DMXL1: variants seen among roughly 807,000 people sequenced by gnomAD.
DMXL1 encodes the protein dmX-like protein 1.
In DMXL1, 99 loss-of-function variants were observed where a neutral mutation model predicts 319.2. The observed-to-expected ratio is 0.31, with a 90% CI of 0.26 to 0.37. DMXL1 has a LOEUF of 0.37. Ranked by LOEUF, DMXL1 falls within the 10% of genes least tolerant of loss-of-function variation. The pLI is 1.00. For synonymous variants in DMXL1, 1,385 were observed against 1,235.2 expected, an observed-to-expected ratio of 1.12 and a Z score of -2.54; for missense variants, 3,745 against 3,595.6, an observed-to-expected ratio of 1.04 and a Z score of -1.06.
At position 119,247,408 on chromosome 5, in the gene DMXL1, T is replaced by C. The variant is rs2150778394; in HGVS notation, c.*189T>C. 1 of 499,932 alleles carries C rather than the reference T, an allele frequency of 2.0e-6. No individual in the cohort carries two copies. The highest frequency in any genetic ancestry group is 3.6e-6 in the Non-Finnish European group (1 of 278,866). The allele number at this position is 499,932 out of a possible 1,614,324, so 31.0% of individuals were successfully genotyped here. A position where few individuals can be genotyped will look rare whatever the true frequency, so the allele number is the denominator to read the frequency against. On this transcript the variant is annotated 3_prime_UTR_variant, in exon 44 of 44. Coordinates refer to ENST00000539542, the MANE Select transcript of DMXL1 (RefSeq NM_001290321.3). ...AAGGTCATTCAGAAGTAGATTACAT[T>C]GCCTAAAGTAGAATGTGTAAGTAAT...
intron 4 of DMXL1, among the ~76,000 whole-genome samples, chr5:119,105,636 C>G (rs1277884489): frequency 1.3e-5 from 2 of 152,118 alleles, no homozygotes; most frequent in Non-Finnish European, 2.9e-5. Context: ...TGGCTCACGC[C>G]TGTATTCCCA....
rs986616030 is a variant in DMXL1 at position 119,105,049 on chromosome 5, C to T, written c.286-131C>T. On this transcript the variant is annotated intron_variant, in intron 3 of 43. Coordinates refer to ENST00000539542, the MANE Select transcript of DMXL1 (RefSeq NM_001290321.3). ...ATCATGTGTTCTCTATTTTTGTTGA[C>T]TGAACTGAACATTTTGTTATCTTTA... The T allele has an allele frequency of 8.2e-6, 5 of 608,460 alleles. No homozygotes were observed. The African/African-American group carries it at 9.3e-5, about 11-fold the overall frequency. The allele number at this position is 608,460 out of a possible 1,614,324, so 37.7% of individuals were successfully genotyped here. A position where few individuals can be genotyped will look rare whatever the true frequency, so the allele number is the denominator to read the frequency against.
intron 8 of DMXL1, among the ~76,000 whole-genome samples, chr5:119,120,475 C>T (rs1322938228): frequency 1.3e-5 from 2 of 152,178 alleles, no homozygotes; most frequent in Non-Finnish European, 2.9e-5. Context: ...ATGGGAATAA[C>T]AATATTTGCA....
chr5:119,105,414 A>C (rs1425740812), intron 4 of DMXL1, among the ~76,000 whole-genome samples, 156 bp downstream of exon 4: 2 of 152,216 alleles, frequency 1.3e-5, no homozygotes, highest in African/African-American at 2.4e-5. Flanking sequence ...TTATACTGAA[A>C]TGAAGACAGA....
At chr5:119,083,896 A>C (rs935771330) in intron 1 of DMXL1, among the ~76,000 whole-genome samples, 1 of 152,146 alleles carries the variant, frequency 6.6e-6, no homozygotes, top group African/African-American at 2.4e-5. Flanking sequence ...ACTAATTTAC[A>C]TTCCCACCAA....
At chr5:119,083,659 T>C (rs1580590945) in intron 1 of DMXL1, among the ~76,000 whole-genome samples, 1 of 151,862 alleles carries the variant, frequency 6.6e-6, no homozygotes. Context: ...CTCCTGCCTC[T>C]GCCTCGGAGT....
rs1182928620 is a variant in DMXL1, at chr5:119,114,456, T to C, written c.498-19T>C. ...TTTAGTTTTCATTGCAAATTATTCC[T>C]TATCTGTTTAATTTACAGAACTGCT... On this transcript the variant is annotated intron_variant, in intron 5 of 43. Transcript: ENST00000539542. 2 of 1,549,830 alleles carry C rather than the reference T, an allele frequency of 1.3e-6. No individual in the cohort carries two copies. Among genetic ancestry groups the C allele is most frequent in the South Asian group, 2.4e-5 (2 of 84,616 alleles).
At chr5:119,124,449 C>A (rs914497847) in intron 9 of DMXL1, among the ~76,000 whole-genome samples, 1 of 151,896 alleles carries the variant, frequency 6.6e-6, no homozygotes, top group Admixed American at 6.6e-5. Flanking sequence ...ATAAGCAGTC[C>A]ATCTTAGAAT....
chr5:119,137,867 AAG>A (rs1766382174), intron 13 of DMXL1, among the ~76,000 whole-genome samples: 1 of 152,196 alleles, frequency 6.6e-6, no homozygotes, highest in Admixed American at 6.5e-5. Flanking sequence ...GAACAGCAAA[AAG>A]GCCACTGTGG....
intron 5 of DMXL1, among the ~76,000 whole-genome samples, chr5:119,112,939 G>A (rs1759991939): frequency 6.6e-6 from 1 of 152,122 alleles, no homozygotes; most frequent in Non-Finnish European, 1.5e-5. Flanking sequence ...CTGGGCAATA[G>A]AGTGAGACTC....
At chr5:119,124,764 C>T (rs1307199472) in intron 9 of DMXL1, among the ~76,000 whole-genome samples, 1 of 151,920 alleles carries the variant, frequency 6.6e-6, no homozygotes, top group Admixed American at 6.6e-5. Flanking sequence ...TGGTGTTTCA[C>T]CATGTTGGCC....
intron 19 of DMXL1, among the ~76,000 whole-genome samples, chr5:119,158,712 G>C (rs1441839629): frequency 6.6e-6 from 1 of 152,160 alleles, no homozygotes; most frequent in Non-Finnish European, 1.5e-5. Flanking sequence ...AATTTTATCA[G>C]ATGCTTTTTT....
chr5:119,072,200 T>G (rs1749757301), intron 1 of DMXL1, among the ~76,000 whole-genome samples: 1 of 152,190 alleles, frequency 6.6e-6, no homozygotes, highest in African/African-American at 2.4e-5. Flanking sequence ...AAAAAAGCCT[T>G]TTCATTTTTA....
At chr5:119,190,984 T>G (rs911626464) in intron 29 of DMXL1, among the ~76,000 whole-genome samples, 1 of 152,228 alleles carries the variant, frequency 6.6e-6, no homozygotes, top group African/African-American at 2.4e-5. Flanking sequence ...AAACTACTCT[T>G]GATAAAATGT....
At chr5:119,134,656 C>T (rs1461524963) in intron 13 of DMXL1, among the ~76,000 whole-genome samples, 1 of 152,152 alleles carries the variant, frequency 6.6e-6, no homozygotes, top group Non-Finnish European at 1.5e-5. Context: ...ATGAGGACTA[C>T]TGACAGTATA....
chr5:119,155,656 T>C (rs1206658161), intron 19 of DMXL1, among the ~76,000 whole-genome samples: 5 of 151,630 alleles, frequency 3.3e-5, no homozygotes, highest in Non-Finnish European at 5.9e-5. Context: ...CTGGGCAACA[T>C]AGACGCCATC....
chr5:119,116,073 G>A, intron 6 of DMXL1, 85 bp from the exon 7 acceptor site: 1 of 1,286,684 alleles, frequency 7.8e-7, no homozygotes, highest in South Asian at 1.5e-5. Flanking sequence ...TCTTGCCATT[G>A]GGGAGAAAAT....
At chr5:119,173,876 A>G (rs1056395208) in intron 25 of DMXL1, among the ~76,000 whole-genome samples, 3 of 148,810 alleles carry the variant, frequency 2.0e-5, no homozygotes, top group Admixed American at 6.7e-5. Flanking sequence ...GCAGTTGGCA[A>G]GTTGGACACC....
chr5:119,161,567 G>C (rs992531886), intron 19 of DMXL1, among the ~76,000 whole-genome samples: 4 of 152,254 alleles, frequency 2.6e-5, no homozygotes, highest in African/African-American at 9.6e-5. Flanking sequence ...CCCAGGTTGG[G>C]CAGGCCTGTC....
Sources: allele counts gnomAD v4.1 joint callset (sites outside exome capture counted in the v4.1 genomes callset), GRCh38; gene constraint gnomAD v4.1.1; transcripts MANE v1.5; gene names NCBI Gene and HGNC (gene_info 2026-07-23, HGNC 2026-07-21).